Variants in RSRC1 observed in about 807,000 individuals in gnomAD.
RSRC1 encodes serine/Arginine-related protein 53.
RSRC1 carries 39 observed loss-of-function variants against 49.1 expected under a neutral mutation model. That is an observed-to-expected ratio of 0.79 (90% confidence interval 0.61 to 1.04). RSRC1 has a LOEUF of 1.04. Among genes scored for constraint, RSRC1 ranks in the 50% least tolerant of loss-of-function variants. The pLI is 0.00. For synonymous variants in RSRC1, 143 were observed against 130.8 expected (o/e 1.09, Z -0.63); for missense variants, 388 against 402.4 (o/e 0.96, Z 0.31).
At chr3:158,158,539 A>G (rs1276492543) in intron 3 of RSRC1, among the ~76,000 whole-genome samples, 1 of 152,138 alleles carries the variant, frequency 6.6e-6, no homozygotes, top group East Asian at 1.9e-4. Flanking sequence ...TCCACATGAA[A>G]TTGTCTTTTC....
At chr3:158,535,921 G>A (rs181176961) in intron 7 of RSRC1, among the ~76,000 whole-genome samples, 2 of 151,580 alleles carry the variant, frequency 1.3e-5, no homozygotes, top group Admixed American at 1.3e-4. Context: ...AGTTAATGAG[G>A]AAATGTTCAT....
At chr3:158,169,150 C>A (rs1409103189) in intron 3 of RSRC1, among the ~76,000 whole-genome samples, 1 of 152,116 alleles carries the variant, frequency 6.6e-6, no homozygotes, top group Non-Finnish European at 1.5e-5. Flanking sequence ...ACTAGTATTT[C>A]TTTCAGTAAG....
At chr3:158,416,550 G>A (rs1734745859) in intron 6 of RSRC1, among the ~76,000 whole-genome samples, 1 of 151,998 alleles carries the variant, frequency 6.6e-6, no homozygotes, top group African/African-American at 2.4e-5. Context: ...ACAGCCAACA[G>A]CAACCATCAG....
At chr3:158,377,807 C>T (rs1355870819) in intron 6 of RSRC1, among the ~76,000 whole-genome samples, 1 of 152,064 alleles carries the variant, frequency 6.6e-6, no homozygotes, top group East Asian at 1.9e-4. Flanking sequence ...TTGCAGGTGC[C>T]TGCCACCACA....
chr3:158,490,087 GTTTTGTTTTGT>G (rs1352217649), intron 7 of RSRC1, among the ~76,000 whole-genome samples: 5 of 151,886 alleles, frequency 3.3e-5, no homozygotes, highest in Admixed American at 3.3e-4. Context: ...ATTGTTTTTG[GTTTTGTTTTGT>G]TTTTGAGACA....
At chr3:158,381,682 G>C (rs1274630373) in intron 6 of RSRC1, among the ~76,000 whole-genome samples, 2 of 152,258 alleles carry the variant, frequency 1.3e-5, no homozygotes, top group East Asian at 3.9e-4. Flanking sequence ...ACAGCATGTT[G>C]CTGTGCTGAA....
At chr3:158,366,030 T>C (rs147490109) in intron 6 of RSRC1, among the ~76,000 whole-genome samples, 111 of 152,342 alleles carry the variant, frequency 7.3e-4, no homozygotes, top group African/African-American at 2.6e-3. Context: ...AAGTTCCTTA[T>C]AGATTCTGGA....
intron 6 of RSRC1, among the ~76,000 whole-genome samples, chr3:158,454,576 A>G (rs1331627077): frequency 3.9e-5 from 6 of 152,130 alleles, no homozygotes; most frequent in Non-Finnish European, 4.4e-5. Context: ...TTTAGTTACC[A>G]AGATGCAATC....
At chr3:158,225,439 T>A (rs979510523) in intron 4 of RSRC1, among the ~76,000 whole-genome samples, 3 of 151,894 alleles carry the variant, frequency 2.0e-5, no homozygotes, top group African/African-American at 4.8e-5. Context: ...CTCTATGCCC[T>A]GTTGAACTTG....
chr3:158,389,340 G>A (rs1445626241), intron 6 of RSRC1, among the ~76,000 whole-genome samples: 13 of 152,130 alleles, frequency 8.5e-5, no homozygotes, highest in Non-Finnish European at 1.9e-4. Flanking sequence ...TAGTTTGATT[G>A]CTTCATAAGA....
intron 7 of RSRC1, among the ~76,000 whole-genome samples, chr3:158,462,445 T>C (rs867522724): frequency 4.6e-5 from 7 of 151,982 alleles, no homozygotes; most frequent in Non-Finnish European, 7.4e-5. Flanking sequence ...ATAGTACTTA[T>C]GACCAAGCAA....
At chr3:158,326,932 T>C (rs767428989) in intron 5 of RSRC1, among the ~76,000 whole-genome samples, 2 of 152,214 alleles carry the variant, frequency 1.3e-5, no homozygotes, top group Non-Finnish European at 2.9e-5. Flanking sequence ...ATTCAGGGAT[T>C]CAAGTTCTTA....
chr3:158,184,777 TTAAG>T (rs1461122234), intron 3 of RSRC1, among the ~76,000 whole-genome samples: 7 of 152,130 alleles, frequency 4.6e-5, no homozygotes, highest in Non-Finnish European at 1.0e-4. Context: ...GTCAAGTATC[TTAAG>T]TTTTTCTTTT....
At chr3:158,323,469 CAT>C (rs1321127967) in intron 5 of RSRC1, among the ~76,000 whole-genome samples, 1 of 152,184 alleles carries the variant, frequency 6.6e-6, no homozygotes, top group African/African-American at 2.4e-5. Context: ...CTTCCGCACA[CAT>C]GTGTAATTTA....
intron 3 of RSRC1, among the ~76,000 whole-genome samples, chr3:158,152,786 A>C (rs1327961195): frequency 6.6e-6 from 1 of 152,196 alleles, no homozygotes. Flanking sequence ...CACGTTTAAT[A>C]ATATGACTTT....
chr3:158,543,749 CTT>C (rs34676157), intron 9 of RSRC1: 4,761 of 256,634 alleles, frequency 0.019, no homozygotes, highest in East Asian at 0.029. Flanking sequence ...GCATTTTTTC[CTT>C]TTTTTTTTTT....
In RSRC1 at chr3:158,122,308, G is replaced by A. The variant is rs780677631; in HGVS notation, c.194+10G>A. On this transcript the variant is annotated intron_variant, in intron 2 of 9. Coordinates refer to ENST00000611884, the MANE Select transcript of RSRC1 (RefSeq NM_001271838.2). ...ATTCTTATGATAGAAGGTGATTTTT[G>A]TAATTTTTATTTATATAGTAATGAG... 1.3e-6 allele frequency: 2 copies of A among 1,530,970 alleles called. No homozygotes were observed. The highest frequency in any genetic ancestry group is 8.8e-7 in the Non-Finnish European group (1 of 1,137,634). The allele number at this position is 1,530,970 out of a possible 1,614,324, so 94.8% of individuals were successfully genotyped here. A position where few individuals can be genotyped will look rare whatever the true frequency, so the allele number is the denominator to read the frequency against.
intron 6 of RSRC1, among the ~76,000 whole-genome samples, chr3:158,436,391 G>A (rs896940542): frequency 2.0e-5 from 3 of 151,882 alleles, no homozygotes; most frequent in Non-Finnish European, 2.9e-5. Flanking sequence ...TTGTGACACA[G>A]CATCTCCAGA....
chr3:158,350,123 T>A (rs893691780), intron 5 of RSRC1, among the ~76,000 whole-genome samples: 10 of 149,430 alleles, frequency 6.7e-5, no homozygotes, highest in African/African-American at 2.5e-4. Context: ...TATTGGGTGT[T>A]GGTTTTTGTT....
Sources: allele counts gnomAD v4.1 joint callset (sites outside exome capture counted in the v4.1 genomes callset), GRCh38; gene constraint gnomAD v4.1.1; transcripts MANE v1.5; gene names NCBI Gene and HGNC (gene_info 2026-07-23, HGNC 2026-07-21).